The following XRCC4 variants were observed in gnomAD, a reference collection of about 807,000 sequenced individuals.
XRCC4 encodes X-ray repair cross complementing 4, also known as DNA repair protein XRCC4.
In XRCC4, 28 loss-of-function variants were observed where a neutral mutation model predicts 39.1. That is an observed-to-expected ratio of 0.72 (90% CI 0.53 to 0.98). XRCC4 has a LOEUF of 0.98. Among genes scored for constraint, XRCC4 ranks in the 50% least tolerant of loss-of-function variants. The pLI is 0.00. For synonymous variants in XRCC4, 123 were observed against 126.4 expected (o/e 0.97, Z 0.18); for missense variants, 350 against 376.4 (o/e 0.93, Z 0.58).
At chr5:83,235,382 G>T (rs1050912664) in intron 6 of XRCC4, among the ~76,000 whole-genome samples, 1 of 148,538 alleles carries the variant, frequency 6.7e-6, no homozygotes, top group East Asian at 2.0e-4. Context: ...AAGTACCACT[G>T]TTCTCAGGGA....
chr5:83,286,518 G>C (rs1754738625), intron 7 of XRCC4, among the ~76,000 whole-genome samples: 1 of 152,100 alleles, frequency 6.6e-6, no homozygotes, highest in Non-Finnish European at 1.5e-5. Flanking sequence ...AACTCAAATA[G>C]GAGTTAATGC....
In XRCC4 at chr5:83,230,354, G is replaced by A. The variant is rs528203680; in HGVS notation, c.745+25433G>A. 6.6e-5 allele frequency among the ~76,000 whole-genome samples: 10 copies of A among 152,014 alleles called. 1 individual carries two copies. Among genetic ancestry groups the A allele is most frequent in the African/African-American group, 2.4e-4 (10 of 41,518 alleles). On this transcript the variant is annotated intron_variant, in intron 6 of 7. Transcript: ENST00000396027. ...AAACCTACACAGGCGTTCTATCTCT[G>A]ATATATTATCACATAGCTTTCCAAA...
intron 7 of XRCC4, among the ~76,000 whole-genome samples, chr5:83,290,099 C>CG (rs1754865917): frequency 6.6e-6 from 1 of 151,800 alleles, no homozygotes; most frequent in Admixed American, 6.6e-5. Flanking sequence ...AACCACATCT[C>CG]AGTTGTGACT....
At chr5:83,104,757 G>A (rs1395141476) in intron 1 of XRCC4, among the ~76,000 whole-genome samples, 153 bp from the exon 2 acceptor site, 2 of 152,180 alleles carry the variant, frequency 1.3e-5, no homozygotes, top group South Asian at 2.1e-4. Context: ...TGAATTTAAT[G>A]GTTGAATCTA....
intron 7 of XRCC4, among the ~76,000 whole-genome samples, chr5:83,349,723 C>T (rs746658616): frequency 1.3e-5 from 2 of 152,104 alleles, no homozygotes; most frequent in Non-Finnish European, 2.9e-5. Flanking sequence ...AAACAATGGA[C>T]ACAATTACAG....
At chr5:83,290,658 TAA>T (rs759227831) in intron 7 of XRCC4, among the ~76,000 whole-genome samples, 54 of 151,844 alleles carry the variant, frequency 3.6e-4, no homozygotes, top group Non-Finnish European at 6.3e-4. Context: ...ACTTCTTGTT[TAA>T]GAGTTCATGC....
At chr5:83,175,466 A>C (rs1471472007) in intron 3 of XRCC4, among the ~76,000 whole-genome samples, 1 of 152,252 alleles carries the variant, frequency 6.6e-6, no homozygotes, top group Non-Finnish European at 1.5e-5. Flanking sequence ...TTTTGTAAAT[A>C]AACTATTAGT....
At chr5:83,090,549 C>T (rs932300056) in intron 1 of XRCC4, among the ~76,000 whole-genome samples, 12 of 152,090 alleles carry the variant, frequency 7.9e-5, no homozygotes, top group African/African-American at 2.9e-4. Flanking sequence ...ATAAACCTCC[C>T]AATTCAAATT....
chr5:83,257,373 G>A (rs762660258), intron 6 of XRCC4, among the ~76,000 whole-genome samples: 14 of 148,648 alleles, frequency 9.4e-5, no homozygotes, highest in East Asian at 2.0e-4. Flanking sequence ...AAAAGTGGCC[G>A]AAGGATATGA....
intron 7 of XRCC4, chr5:83,258,914 T>C (rs56238044): frequency 3.0e-5 from 13 of 432,686 alleles, no homozygotes; most frequent in African/African-American, 2.5e-4. Context: ...ATGGTTTTTA[T>C]AGATTAATTA....
At chr5:83,359,308 A>G in the XRCC4 span, among the ~76,000 whole-genome samples, 1 of 152,128 alleles carries the variant, frequency 6.6e-6, no homozygotes, top group South Asian at 2.1e-4. Flanking sequence ...AGAGCCCAAT[A>G]CAGTACCCAT....
the XRCC4 span, among the ~76,000 whole-genome samples, chr5:83,362,800 A>G: frequency 6.6e-6 from 1 of 152,176 alleles, no homozygotes. Flanking sequence ...CTCTGTATCA[A>G]TAATCTTATT....
chr5:83,286,405 A>C (rs73138265), intron 7 of XRCC4, among the ~76,000 whole-genome samples: 1 of 152,084 alleles, frequency 6.6e-6, no homozygotes, highest in African/African-American at 2.4e-5. Context: ...CATGATAGCC[A>C]TAACAGTGAT....
chr5:83,363,054 G>A, the XRCC4 span, among the ~76,000 whole-genome samples: 1 of 152,170 alleles, frequency 6.6e-6, no homozygotes, highest in South Asian at 2.1e-4. Flanking sequence ...CGTGTAAACA[G>A]ACAATCAAGA....
chr5:83,357,174 A>G (rs934064608), downstream of XRCC4, among the ~76,000 whole-genome samples: 2 of 152,228 alleles, frequency 1.3e-5, no homozygotes, highest in African/African-American at 4.8e-5. Context: ...GATCCTTTCA[A>G]CAAATATTTG....
At chr5:83,352,642 G>A (rs937185218) in intron 7 of XRCC4, among the ~76,000 whole-genome samples, 5 of 152,182 alleles carry the variant, frequency 3.3e-5, no homozygotes, top group Non-Finnish European at 1.5e-5. Flanking sequence ...TGCTATAAAT[G>A]TGAAAAATCA....
intron 3 of XRCC4, among the ~76,000 whole-genome samples, chr5:83,132,543 C>T (rs1747652004): frequency 6.6e-6 from 1 of 152,082 alleles, no homozygotes; most frequent in South Asian, 2.1e-4. Flanking sequence ...TTGTTCTTTT[C>T]ACATAGTCCC....
chr5:83,264,729 A>G (rs1753894804), intron 7 of XRCC4, among the ~76,000 whole-genome samples: 1 of 150,060 alleles, frequency 6.7e-6, no homozygotes, highest in Admixed American at 6.8e-5. Flanking sequence ...TGTAACCCAC[A>G]ACTTTTTTTT....
chr5:83,230,193 GATA>G (rs1307699606), intron 6 of XRCC4, among the ~76,000 whole-genome samples: 1 of 151,936 alleles, frequency 6.6e-6, no homozygotes, highest in Non-Finnish European at 1.5e-5. Flanking sequence ...AGATTTAAAA[GATA>G]ATAAGCAATT....
Sources: allele counts gnomAD v4.1 joint callset (sites outside exome capture counted in the v4.1 genomes callset), GRCh38; gene constraint gnomAD v4.1.1; transcripts MANE v1.5; gene names NCBI Gene and HGNC (gene_info 2026-07-23, HGNC 2026-07-21).